KYNU: variants seen among roughly 807,000 people sequenced by gnomAD.
KYNU encodes L-kynurenine hydrolase.
KYNU carries 54 observed loss-of-function variants against 59.2 expected under a neutral mutation model. The observed-to-expected ratio is 0.91, with a 90% CI of 0.73 to 1.14. The LOEUF (loss-of-function observed/expected upper bound fraction) is 1.14, where lower values mean the gene tolerates loss of function less well. KYNU is among the 50% of genes most tolerant of loss of function. The pLI is 0.00. For missense variants in KYNU, 567 were observed against 554.4 expected (o/e 1.02, Z -0.23); for synonymous variants, 177 against 192.0 (o/e 0.92, Z 0.65).
At chr2:142,930,101 G>A (rs1037611166) in intron 4 of KYNU, among the ~76,000 whole-genome samples, 1 of 151,966 alleles carries the variant, frequency 6.6e-6, no homozygotes. Context: ...TTGATGTTAC[G>A]CCAGAGTAAG....
chr2:143,042,593 TATA>T lies in KYNU; in HGVS notation c.*422_*424del, dbSNP rs1687087050. 6.0e-4 allele frequency: 1 copy of T among 1,656 alleles called. No individual in the cohort carries two copies. The highest frequency in any genetic ancestry group is 5.5e-3 in the Admixed American group (1 of 182). The allele number at this position is 1,656 out of a possible 1,614,324, so 0.1% of individuals were successfully genotyped here. On this transcript the variant is annotated 3_prime_UTR_variant, in exon 14 of 14. Transcript: ENST00000264170. ...GAAGCATTGTAGTCTGATATATATA[TATA>T]TATATATATATATATATATATATAT...
intron 12 of KYNU, among the ~76,000 whole-genome samples, chr2:143,033,990 T>G (rs1686826715): frequency 6.6e-6 from 1 of 152,078 alleles, no homozygotes; most frequent in African/African-American, 2.4e-5. Context: ...ATTTATATTT[T>G]TATTTAGGTA....
intron 2 of KYNU, among the ~76,000 whole-genome samples, chr2:142,910,999 T>C (rs1337840884): frequency 6.6e-6 from 1 of 152,190 alleles, no homozygotes. Flanking sequence ...CAGGTAATGA[T>C]GCCATCAGCC....
intron 2 of KYNU, among the ~76,000 whole-genome samples, chr2:142,897,572 C>A (rs1019250148): frequency 8.5e-5 from 13 of 152,182 alleles, no homozygotes; most frequent in African/African-American, 3.1e-4. Flanking sequence ...GAAACAAACA[C>A]AGCTGAAATC....
intron 10 of KYNU, among the ~76,000 whole-genome samples, chr2:142,988,259 C>CACTGA (rs1423831164): frequency 6.6e-6 from 1 of 151,880 alleles, no homozygotes; most frequent in African/African-American, 2.4e-5. Context: ...CTAAGTACTT[C>CACTGA]GTTGACTCAC....
chr2:143,006,222 G>T (rs891078369), intron 10 of KYNU, among the ~76,000 whole-genome samples: 6 of 152,078 alleles, frequency 3.9e-5, no homozygotes, highest in Non-Finnish European at 4.4e-5. Flanking sequence ...GCCGAAACAG[G>T]GCGAGGCATT....
chr2:143,051,984 T>C lies in KYNU; in HGVS notation c.*9812T>C, dbSNP rs1687275028. ...ACTCCCTAGAGACTTGTTGAATGGC[T>C]TTAACCAAAATGCTGATAATAATAT... On this transcript the variant is annotated 3_prime_UTR_variant, in exon 14 of 14. Coordinates refer to ENST00000264170, the MANE Select transcript of KYNU (RefSeq NM_003937.3). 6.6e-6 allele frequency: 1 copy of C among 152,452 alleles called. No individual in the cohort carries two copies. Among genetic ancestry groups the C allele is most frequent in the African/African-American group, 2.4e-5 (1 of 41,456 alleles). The allele number at this position is 152,452 out of a possible 1,614,324, so 9.4% of individuals were successfully genotyped here.
chr2:142,989,544 T>G (rs1204853697), intron 10 of KYNU: 1 of 954,504 alleles, frequency 1.0e-6, no homozygotes, highest in African/African-American at 1.8e-5. Context: ...ATAACATTTC[T>G]TCTCATGGTC....
chr2:143,025,613 G>A (rs407867), intron 10 of KYNU, among the ~76,000 whole-genome samples: 53,932 of 151,602 alleles, frequency 0.36, 10,548 homozygotes, highest in East Asian at 0.52. Context: ...TGGGCACCTT[G>A]TTTTTACTTT....
chr2:142,889,630 C>T (rs1206414511), intron 2 of KYNU, among the ~76,000 whole-genome samples: 1 of 152,124 alleles, frequency 6.6e-6, no homozygotes, highest in African/African-American at 2.4e-5. Flanking sequence ...TATGTTCTGA[C>T]CCCCAACGGT....
In KYNU at chr2:143,042,409, T is replaced by C. The variant is rs2104928339; in HGVS notation, c.*237T>C. 1 of 433,476 alleles carries C rather than the reference T, an allele frequency of 2.3e-6. No individual in the cohort carries two copies. The highest frequency in any genetic ancestry group is 2.0e-5 in the African/African-American group (1 of 49,876). The allele number at this position is 433,476 out of a possible 1,614,324, so 26.9% of individuals were successfully genotyped here. ...ACCAAAACTGTGTTGGTTCAAGTAT[T>C]ATCTATACAGTCTCTATAAGCTGTC... On this transcript the variant is annotated 3_prime_UTR_variant, in exon 14 of 14. Transcript: ENST00000264170.
chr2:142,896,470 CT>C (rs1681880634), intron 2 of KYNU, among the ~76,000 whole-genome samples: 4 of 152,050 alleles, frequency 2.6e-5, no homozygotes, highest in South Asian at 2.1e-4. Context: ...ATTTTGACTA[CT>C]TTTTTTTAAT....
chr2:142,898,360 A>G (rs965358602), intron 2 of KYNU, among the ~76,000 whole-genome samples: 1 of 152,110 alleles, frequency 6.6e-6, no homozygotes, highest in Non-Finnish European at 1.5e-5. Flanking sequence ...TTGAGCATCA[A>G]ATGCTCTCTT....
intron 2 of KYNU, among the ~76,000 whole-genome samples, chr2:142,904,887 G>C (rs1245988116): frequency 6.6e-6 from 1 of 152,122 alleles, no homozygotes; most frequent in Non-Finnish European, 1.5e-5. Flanking sequence ...CAAAGAAAGG[G>C]ATCCGGGCTG....
At chr2:143,024,115 AATG>A (rs1213772473) in intron 10 of KYNU, among the ~76,000 whole-genome samples, 2 of 152,020 alleles carry the variant, frequency 1.3e-5, no homozygotes, top group East Asian at 1.9e-4. Flanking sequence ...ACCAAAAAAA[AATG>A]ATGAGGGATA....
intron 4 of KYNU, among the ~76,000 whole-genome samples, chr2:142,948,481 A>G (rs1683873783): frequency 3.3e-5 from 5 of 152,234 alleles, no homozygotes; most frequent in Non-Finnish European, 7.3e-5. Flanking sequence ...TTTAATGGAG[A>G]ACTCATAGTT....
intron 10 of KYNU, among the ~76,000 whole-genome samples, chr2:143,023,203 C>T (rs1236753852): frequency 4.6e-5 from 7 of 151,838 alleles, no homozygotes; most frequent in Admixed American, 3.3e-4. Flanking sequence ...TTTACCAATT[C>T]AGTATGTATT....
At chr2:142,961,379 G>T (rs1684345047) in intron 8 of KYNU, among the ~76,000 whole-genome samples, 1 of 150,286 alleles carries the variant, frequency 6.7e-6, no homozygotes, top group East Asian at 2.0e-4. Flanking sequence ...CAAGCTGTAG[G>T]TGATGCCATT....
intron 10 of KYNU, among the ~76,000 whole-genome samples, chr2:142,994,624 A>C (rs1239309931): frequency 6.6e-6 from 1 of 152,052 alleles, no homozygotes; most frequent in Non-Finnish European, 1.5e-5. Context: ...AATGATCCCT[A>C]TGAAAATTCA....
Sources: gnomAD v4.1 joint callset for allele counts (sites outside exome capture counted in the v4.1 genomes callset) on GRCh38, gnomAD v4.1.1 for gene constraint, MANE v1.5 for transcripts, NCBI Gene and HGNC (gene_info 2026-07-23, HGNC 2026-07-21) for gene names.